Variants in CALN1 observed in about 807,000 individuals in gnomAD.
The protein encoded by CALN1 is calcium-binding protein 8.
In CALN1, 17 loss-of-function variants were observed where a neutral mutation model predicts 30.6. The observed-to-expected ratio is 0.56, with a 90% CI of 0.38 to 0.83. The LOEUF is 0.83. Among genes scored for constraint, CALN1 ranks in the 40% least tolerant of loss-of-function variants. CALN1 has a pLI of 0.00. For synonymous variants in CALN1, 156 were observed against 131.4 expected, an observed-to-expected ratio of 1.19 and a Z score of -1.28; for missense variants, 291 against 354.9, an observed-to-expected ratio of 0.82 and a Z score of 1.45.
At chr7:71,839,206 G>A (rs1789792869) in intron 5 of CALN1, among the ~76,000 whole-genome samples, 3 of 152,292 alleles carry the variant, frequency 2.0e-5, no homozygotes, top group African/African-American at 7.2e-5. Context: ...TAGATGTGAT[G>A]TCTGGAACTG....
intron 5 of CALN1, among the ~76,000 whole-genome samples, chr7:71,927,931 G>A (rs1258612247): frequency 1.3e-5 from 2 of 152,174 alleles, no homozygotes; most frequent in Non-Finnish European, 2.9e-5. Context: ...AAACACCCAG[G>A]AATGGAAGAC....
chr7:72,178,953 A>AC (rs1489593536), intron 3 of CALN1, among the ~76,000 whole-genome samples: 1 of 152,212 alleles, frequency 6.6e-6, no homozygotes, highest in Non-Finnish European at 1.5e-5. Context: ...ATCATGGCTT[A>AC]CTTTAAAAGG....
intron 5 of CALN1, among the ~76,000 whole-genome samples, chr7:71,823,423 A>G (rs1266629476): frequency 6.6e-6 from 1 of 152,224 alleles, no homozygotes; most frequent in African/African-American, 2.4e-5. Context: ...TAATTTATAA[A>G]GAAACAGAGG....
At chr7:71,948,322 A>G (rs543899940) in intron 5 of CALN1, among the ~76,000 whole-genome samples, 1 of 152,204 alleles carries the variant, frequency 6.6e-6, no homozygotes, top group East Asian at 1.9e-4. Flanking sequence ...AGCAAATAAA[A>G]GCTGATTTGA....
At chr7:71,846,895 A>G (rs1282667408) in intron 5 of CALN1, among the ~76,000 whole-genome samples, 1 of 146,744 alleles carries the variant, frequency 6.8e-6, no homozygotes, top group Non-Finnish European at 1.5e-5. Context: ...ACATATATGT[A>G]TATATAATAT....
At chr7:72,255,216 G>T (rs1795832884) in intron 3 of CALN1, among the ~76,000 whole-genome samples, 1 of 151,734 alleles carries the variant, frequency 6.6e-6, no homozygotes, top group South Asian at 2.1e-4. Context: ...TTCCCCAGTA[G>T]CAGGGATTAC....
chr7:71,963,001 C>G (rs1797325883), intron 5 of CALN1, among the ~76,000 whole-genome samples: 1 of 152,034 alleles, frequency 6.6e-6, no homozygotes, highest in Admixed American at 6.6e-5. Context: ...TCAAATACTA[C>G]AAAGAGGACA....
intron 5 of CALN1, among the ~76,000 whole-genome samples, chr7:71,961,874 C>T (rs79327120): frequency 0.013 from 1,987 of 152,238 alleles, 23 homozygotes; most frequent in South Asian, 0.02. Context: ...GCCTATTTCC[C>T]GCTGAGTGGC....
intron 1 of CALN1, among the ~76,000 whole-genome samples, chr7:72,430,281 A>G (rs1474264966): frequency 1.4e-5 from 2 of 148,098 alleles, no homozygotes; most frequent in African/African-American, 4.9e-5. Flanking sequence ...TTTATCTATA[A>G]TAATTATATA....
intron 5 of CALN1, among the ~76,000 whole-genome samples, chr7:71,899,554 C>T (rs1584473829): frequency 6.6e-6 from 1 of 152,106 alleles, no homozygotes; most frequent in Non-Finnish European, 1.5e-5. Flanking sequence ...AATATTTAGA[C>T]AGGGATTTCA....
chr7:72,275,962 A>T (rs1053112982), intron 3 of CALN1, among the ~76,000 whole-genome samples: 4 of 152,166 alleles, frequency 2.6e-5, no homozygotes, highest in African/African-American at 9.7e-5. Flanking sequence ...GCAGAGCTTG[A>T]ATTTAACAGT....
intron 3 of CALN1, among the ~76,000 whole-genome samples, chr7:72,134,198 A>C (rs1369155913): frequency 6.6e-6 from 1 of 152,214 alleles, no homozygotes; most frequent in African/African-American, 2.4e-5. Flanking sequence ...TCTTGGAAGG[A>C]GAGAACAGCC....
intron 5 of CALN1, among the ~76,000 whole-genome samples, chr7:71,960,154 TAAATAAATAAATAAATAAATAAATAAATA>T (rs1797168250): frequency 1.2e-5 from 1 of 86,392 alleles, no homozygotes; most frequent in African/African-American, 3.8e-5. Context: ...AATAAATAAA[TAAATAAATAAATAAATAAATAAATAAATA>T]AAATAAAATA....
At chr7:72,195,544 T>C (rs1344929299) in intron 3 of CALN1, among the ~76,000 whole-genome samples, 2 of 152,118 alleles carry the variant, frequency 1.3e-5, no homozygotes, top group African/African-American at 4.8e-5. Flanking sequence ...CCTGGCTAAT[T>C]TTTAAAAAAA....
At position 71,999,985 on chromosome 7, in the gene CALN1, A is replaced by C. The variant is rs184884316; in HGVS notation, c.501+23672T>G. On this transcript the variant is annotated intron_variant, in intron 5 of 6. Transcript: ENST00000395275. ...AAAGACACCAGGAAAACCTCTAAAT[A>C]CCTGGAAAATTAATAACACGCTGCT... is the stretch of plus-strand genomic sequence containing the variant. Among the ~76,000 whole-genome samples the C allele has an allele frequency of 2.9e-4, 44 of 152,292 alleles. No individual in the cohort carries two copies. In the East Asian group the frequency reaches 8.3e-3, roughly 29 times the overall value.
intron 5 of CALN1, among the ~76,000 whole-genome samples, chr7:71,990,745 G>A (rs1035258928): frequency 9.9e-5 from 15 of 152,116 alleles, no homozygotes; most frequent in African/African-American, 3.1e-4. Context: ...GAGCCACCAC[G>A]CCCAGCCTAT....
intron 6 of CALN1, among the ~76,000 whole-genome samples, chr7:71,789,392 G>A (rs560799909): frequency 1.8e-3 from 280 of 152,204 alleles, no homozygotes; most frequent in Non-Finnish European, 3.2e-3. Context: ...GCTTCAGCCT[G>A]GGAGACAGAG....
At chr7:72,211,568 AG>A (rs1792396907) in intron 3 of CALN1, among the ~76,000 whole-genome samples, 1 of 152,234 alleles carries the variant, frequency 6.6e-6, no homozygotes, top group Non-Finnish European at 1.5e-5. Context: ...ACGACTCGAT[AG>A]GTCTGTAGCA....
intron 5 of CALN1, among the ~76,000 whole-genome samples, chr7:71,921,520 G>A (rs1419685839): frequency 6.6e-6 from 1 of 151,988 alleles, no homozygotes; most frequent in African/African-American, 2.4e-5. Flanking sequence ...TAAATGAGAA[G>A]AGAAAGAAGA....
Sources: gnomAD v4.1 joint callset for allele counts (sites outside exome capture counted in the v4.1 genomes callset) on GRCh38, gnomAD v4.1.1 for gene constraint, MANE v1.5 for transcripts, NCBI Gene and HGNC (gene_info 2026-07-23, HGNC 2026-07-21) for gene names.